GRB10: variants seen among roughly 807,000 people sequenced by gnomAD.
GRB10 encodes the protein growth factor receptor bound protein 10.
Under a neutral mutation model 80.9 loss-of-function variants are expected in GRB10, and 20 were observed. The observed-to-expected ratio is 0.25, with a 90% CI of 0.17 to 0.36. The LOEUF (loss-of-function observed/expected upper bound fraction) is 0.36, where lower values mean the gene tolerates loss of function less well. Ranked by LOEUF, GRB10 falls within the 10% of genes least tolerant of loss-of-function variation. GRB10 has a pLI of 1.00. For missense variants in GRB10, 548 were observed against 747.7 expected, an observed-to-expected ratio of 0.73 and a Z score of 3.12; for synonymous variants, 291 against 291.5, an observed-to-expected ratio of 1.00 and a Z score of 0.02.
chr7:50,757,318 T>C (rs2075223740), intron 2 of GRB10, among the ~76,000 whole-genome samples: 1 of 152,240 alleles, frequency 6.6e-6, no homozygotes, highest in Non-Finnish European at 1.5e-5. Context: ...AGCTAATGCA[T>C]ATAAAGGCTT....
intron 7 of GRB10, among the ~76,000 whole-genome samples, chr7:50,663,914 G>T (rs2059538312): frequency 6.6e-6 from 1 of 152,210 alleles, no homozygotes; most frequent in African/African-American, 2.4e-5. Flanking sequence ...TGCCTGCCAG[G>T]GTGTCTGCTT....
At chr7:50,645,546 A>G (rs1365981085) in intron 7 of GRB10, 49 of 908,204 alleles carry the variant, frequency 5.4e-5, no homozygotes, top group Non-Finnish European at 6.3e-5. Context: ...ACCAGCTCAG[A>G]AGGTCTAACA....
intron 4 of GRB10, among the ~76,000 whole-genome samples, chr7:50,705,862 A>G (rs1433573788): frequency 6.6e-6 from 1 of 152,232 alleles, no homozygotes; most frequent in African/African-American, 2.4e-5. Context: ...CTGGGAGGAA[A>G]GGGCAAGGTC....
intron 15 of GRB10, chr7:50,604,967 G>A: frequency 2.7e-6 from 1 of 372,330 alleles, no homozygotes; most frequent in South Asian, 3.2e-5. Flanking sequence ...TCAGGCCTGG[G>A]CTCTGTGCAC....
At chr7:50,625,042 ATTTCT>A (rs1410763450) in intron 8 of GRB10, among the ~76,000 whole-genome samples, 1 of 152,182 alleles carries the variant, frequency 6.6e-6, no homozygotes. Flanking sequence ...GCTTATGGAC[ATTTCT>A]TTTCCTATTC....
intron 1 of GRB10, among the ~76,000 whole-genome samples, chr7:50,792,072 GA>G (rs1023513456): frequency 6.6e-6 from 1 of 152,142 alleles, no homozygotes; most frequent in African/African-American, 2.4e-5. Context: ...AAAACTGCTT[GA>G]AACTTTAAAT....
chr7:50,772,331 C>A (rs778847952), intron 2 of GRB10, among the ~76,000 whole-genome samples: 4 of 152,214 alleles, frequency 2.6e-5, no homozygotes, highest in Non-Finnish European at 4.4e-5. Context: ...CCCCAGCCAC[C>A]TCGTTCTGGT....
At chr7:50,718,110 C>T (rs577239764) in intron 4 of GRB10, among the ~76,000 whole-genome samples, 3 of 152,264 alleles carry the variant, frequency 2.0e-5, no homozygotes, top group Admixed American at 6.5e-5. Flanking sequence ...ACAGGGGATT[C>T]CCAAGGCAAG....
At chr7:50,689,416 G>C (rs1320449926) in intron 5 of GRB10, among the ~76,000 whole-genome samples, 1 of 152,196 alleles carries the variant, frequency 6.6e-6, no homozygotes, top group African/African-American at 2.4e-5. Flanking sequence ...AACAACTCAG[G>C]ACTATCGTGA....
rs116893513 is a variant in GRB10 at position 50,700,915 on chromosome 7, G to C, written c.139+2906C>G. Among the ~76,000 whole-genome samples, 900 of 152,336 alleles carry C rather than the reference G, an allele frequency of 5.9e-3. 9 individuals are homozygous for C. Among genetic ancestry groups the C allele is most frequent in the Admixed American group, 0.011 (174 of 15,304 alleles). ...TACACAGGTTTTAGAAAAGAATCAA[G>C]AGTCTCTGTCTGTTGGGTAGAGGGA... On this transcript the variant is annotated intron_variant, in intron 5 of 18. Coordinates refer to ENST00000401949, the MANE Select transcript of GRB10 (RefSeq NM_001350814.2).
At position 50,728,214 on chromosome 7, in the gene GRB10, T is replaced by TG. The variant is rs10538509; in HGVS notation, c.51+4057dup. Among the ~76,000 whole-genome samples the TG allele has an allele frequency of 6.8e-3, 1,011 of 148,842 alleles. 17 individuals are homozygous for TG. Among genetic ancestry groups the TG allele is most frequent in the East Asian group, 0.046 (227 of 4,950 alleles). On this transcript the variant is annotated intron_variant, in intron 4 of 18. Coordinates refer to ENST00000401949, the MANE Select transcript of GRB10 (RefSeq NM_001350814.2). ...AATAAAATGTTCTTTAGCCAAAGTA[T>TG]GGGGGGGGGGTGTAGTACTTAAAAA...
chr7:50,758,971 G>A (rs1253202606), intron 2 of GRB10, among the ~76,000 whole-genome samples: 1 of 137,212 alleles, frequency 7.3e-6, no homozygotes, highest in Admixed American at 7.7e-5. Flanking sequence ...GACTGCTTGA[G>A]CTCAGGAGTT....
chr7:50,706,291 ACTACT>A (rs1244808288), intron 4 of GRB10, among the ~76,000 whole-genome samples: 1 of 152,218 alleles, frequency 6.6e-6, no homozygotes, highest in Non-Finnish European at 1.5e-5. Flanking sequence ...CATATTCTAG[ACTACT>A]CTAGTAGACA....
chr7:50,717,450 A>T (rs2067039743), intron 4 of GRB10, among the ~76,000 whole-genome samples: 1 of 151,482 alleles, frequency 6.6e-6, no homozygotes, highest in Admixed American at 6.6e-5. Context: ...AAGCTTGAAG[A>T]GTGTGTGTGT....
intron 1 of GRB10, among the ~76,000 whole-genome samples, chr7:50,790,929 G>A (rs2078886717): frequency 6.6e-6 from 1 of 152,168 alleles, no homozygotes; most frequent in Non-Finnish European, 1.5e-5. Flanking sequence ...GTCTGACTCT[G>A]CTCTCTTCTC....
At chr7:50,676,261 G>GCCCAGGA (rs2060914195) in intron 5 of GRB10, among the ~76,000 whole-genome samples, 5 of 149,414 alleles carry the variant, frequency 3.3e-5, no homozygotes, top group African/African-American at 9.8e-5. Flanking sequence ...TGGGCCCAGG[G>GCCCAGGA]CCCAGGACGT....
chr7:50,645,387 C>T (rs1206316388), intron 7 of GRB10, among the ~76,000 whole-genome samples: 1 of 152,166 alleles, frequency 6.6e-6, no homozygotes, highest in Non-Finnish European at 1.5e-5. Flanking sequence ...CCACACAACC[C>T]ATGCAAAAAT....
chr7:50,626,660 T>C (rs2153591121), intron 8 of GRB10, among the ~76,000 whole-genome samples, 162 bp downstream of exon 8: 1 of 151,950 alleles, frequency 6.6e-6, no homozygotes, highest in Non-Finnish European at 1.5e-5. Context: ...GGGAGGAGAG[T>C]GAAATTTTAG....
chr7:50,776,087 A>G (rs1293082652), intron 2 of GRB10, among the ~76,000 whole-genome samples: 1 of 152,208 alleles, frequency 6.6e-6, no homozygotes. Flanking sequence ...GATGAATAGC[A>G]TCTGGCTTCC....
Sources: allele counts gnomAD v4.1 joint callset (sites outside exome capture counted in the v4.1 genomes callset), GRCh38; gene constraint gnomAD v4.1.1; transcripts MANE v1.5; gene names NCBI Gene and HGNC (gene_info 2026-07-23, HGNC 2026-07-21).